The following OR52H1 variants were observed in gnomAD, a reference collection of about 807,000 sequenced individuals.
OR52H1 encodes the protein olfactory receptor family 52 subfamily H member 1.
For missense variants in OR52H1, 383 were observed against 396.4 expected (o/e 0.97, Z 0.29); for synonymous variants, 148 against 138.6 (o/e 1.07, Z -0.48).
In OR52H1 at chr11:5,545,149, G is replaced by A; in HGVS notation, c.357C>T (p.Ala119=). Reference sequence around the variant, plus strand: ...TAGCTACATAGTGATCAAATGCCATGGCCATCAGAATGGCTGAATCCAGGA... The same window carrying A: ...TAGCTACATAGTGATCAAATGCCATAGCCATCAGAATGGCTGAATCCAGGA... ...NFVLDSAILM[A]MAFDHYVAIC... Residue 119 remains alanine (A), a synonymous_variant, in exon 2 of 2, where the codon GCC becomes GCT. Coordinates refer to ENST00000322653, the MANE Select transcript of OR52H1 (RefSeq NM_001005289.5). 1 of 1,614,118 alleles carries A rather than the reference G, an allele frequency of 6.2e-7. No homozygotes were observed. The highest frequency in any genetic ancestry group is 1.1e-5 in the South Asian group (1 of 91,064).
intron 1 of OR52H1, among the ~76,000 whole-genome samples, chr11:5,546,181 C>CAAAA (rs34696903): frequency 0.011 from 1,663 of 145,436 alleles, 25 homozygotes; most frequent in African/African-American, 0.037. Context: ...CCTTTCTCCT[C>CAAAA]AAAAAAAAAA....
chr11:5,544,797 G>A lies in OR52H1; in HGVS notation c.709C>T (p.Gln237Ter). ...VFGLPSQDACQKALGTCGSHV... is the reference protein window; with the variant it reads ...VFGLPSQDAC ...GAACCACAAGTGCCGAGGGCTTTCT[G>A]GCAGGCATCTTGGGAGGGAAGGCCA... Residue 237 changes from glutamine (Q) to a stop codon, truncating the protein, a stop_gained, in exon 2 of 2, where the codon CAG becomes TAG. Coordinates refer to ENST00000322653, the MANE Select transcript of OR52H1 (RefSeq NM_001005289.5). LOFTEE classifies it low-confidence loss of function (END_TRUNC). 6.2e-7 allele frequency: 1 copy of A among 1,614,130 alleles called. No homozygotes were observed. The highest frequency in any genetic ancestry group is 8.5e-7 in the Non-Finnish European group (1 of 1,180,006).
At chr11:5,547,985 A>G (rs1366756438) in intron 1 of OR52H1, among the ~76,000 whole-genome samples, 3 of 152,250 alleles carry the variant, frequency 2.0e-5, no homozygotes, top group African/African-American at 4.8e-5. Context: ...CATAGTAAGC[A>G]TGTAACAAGT....
intron 1 of OR52H1, among the ~76,000 whole-genome samples, chr11:5,545,892 G>A (rs1435548190): frequency 6.6e-6 from 1 of 152,054 alleles, no homozygotes; most frequent in Non-Finnish European, 1.5e-5. Context: ...ACTTTTTCAT[G>A]GTGGATTATA....
At chr11:5,547,937 G>A (rs1000374325) in intron 1 of OR52H1, among the ~76,000 whole-genome samples, 5 of 152,148 alleles carry the variant, frequency 3.3e-5, no homozygotes, top group African/African-American at 4.8e-5. Flanking sequence ...GAGCCACCAC[G>A]CCCAGCCGAA....
Position 5,545,405 on chromosome 11 carries a change from C to G in OR52H1, c.101G>C (p.Cys34Ser), listed in dbSNP as rs779468835. The change falls in exon 2 of 2, where the codon TGT (cysteine) becomes TCT (serine). Residue 34 changes from cysteine to serine, a missense_variant. By Grantham distance (112) the Cys-to-Ser change is moderately radical. Coordinates refer to ENST00000322653, the MANE Select transcript of OR52H1 (RefSeq NM_001005289.5). The stretch of plus-strand genomic sequence containing the variant: ...CACAACAGCTACAATGTAGATGATA[C>G]AGAAGGGAATTCCAATCCACACATG... ...QFHVWIGIPF[C>S]IIYIVAVVGN... is the part of the protein sequence containing the mutation. 1.2e-6 allele frequency: 2 copies of G among 1,614,038 alleles called. No homozygotes were observed. The highest frequency in any genetic ancestry group is 2.2e-5 in the South Asian group (2 of 91,080).
intron 1 of OR52H1, among the ~76,000 whole-genome samples, chr11:5,547,579 T>A (rs999940355): frequency 2.0e-5 from 3 of 152,214 alleles, no homozygotes; most frequent in Admixed American, 6.5e-5. Context: ...TGGGTTCCTA[T>A]GTTTTTAAAA....
Position 5,544,899 on chromosome 11 carries a change from A to C in OR52H1, c.607T>G (p.Cys203Gly), listed in dbSNP as rs767882208. ...DISINFWYGF[C>G]VPIMTVISDV... Reference sequence around the variant, plus strand: ...GAGATGACCGTCATGATGGGAACACAAAAGCCATACCAGAAGTTGATGGAG... The same window carrying C: ...GAGATGACCGTCATGATGGGAACACCAAAGCCATACCAGAAGTTGATGGAG... Residue 203 changes from cysteine to glycine, a missense_variant, in exon 2 of 2, where the codon TGT (cysteine) becomes GGT (glycine). Cys to Gly is a radical substitution (Grantham distance 159). Coordinates refer to ENST00000322653, the MANE Select transcript of OR52H1 (RefSeq NM_001005289.5). 1.9e-6 allele frequency: 3 copies of C among 1,613,880 alleles called. No homozygotes were observed. The highest frequency in any genetic ancestry group is 2.5e-6 in the Non-Finnish European group (3 of 1,179,904).
rs1461114598 is a variant in OR52H1, at chr11:5,544,809, G to C, written c.697C>G (p.Gln233Glu). The change falls in exon 2 of 2, where the codon CAA (glutamine) becomes GAA (glutamate). Residue 233 changes from glutamine to glutamate, a missense_variant. Coordinates refer to ENST00000322653, the MANE Select transcript of OR52H1 (RefSeq NM_001005289.5). ...CCGAGGGCTTTCTGGCAGGCATCTT[G>C]GGAGGGAAGGCCAAAGACAGCACAG... ...ILCAVFGLPS[Q>E]DACQKALGTC... The C allele has an allele frequency of 1.9e-6, 3 of 1,613,982 alleles. No homozygotes were observed. The highest frequency in any genetic ancestry group is 1.6e-4 in the Middle Eastern group (1 of 6,084).
rs1995157 is a variant in OR52H1, at chr11:5,544,821, C to A, written c.685G>T (p.Gly229Cys). 919,871 of 1,613,226 alleles carry A rather than the reference C, an allele frequency of 0.57. 272,103 individuals carry two copies. The highest frequency in any genetic ancestry group is 0.61 in the Non-Finnish European group (724,432 of 1,179,438). The change falls in exon 2 of 2, where the codon GGC (glycine) becomes TGC (cysteine). Residue 229 changes from glycine to cysteine, a missense_variant. By Grantham distance (159) the Gly-to-Cys change is radical. Coordinates refer to ENST00000322653, the MANE Select transcript of OR52H1 (RefSeq NM_001005289.5). ...TGGCAGGCATCTTGGGAGGGAAGGC[C>A]AAAGACAGCACAGAGGATGTGTGCG... is the stretch of plus-strand genomic sequence containing the variant. ...SYAHILCAVF[G>C]LPSQDACQKA...
chr11:5,548,127 A>G (rs769546385), intron 1 of OR52H1, among the ~76,000 whole-genome samples: 12 of 152,216 alleles, frequency 7.9e-5, no homozygotes, highest in Non-Finnish European at 1.8e-4. Context: ...GCATACACAC[A>G]TACCAGCACA....
chr11:5,544,564 T>A lies in OR52H1; in HGVS notation c.942A>T (p.Gly314=). The change falls in exon 2 of 2, where the codon GGA becomes GGT. Residue 314 remains glycine (G), a synonymous_variant. Coordinates refer to ENST00000322653, the MANE Select transcript of OR52H1 (RefSeq NM_001005289.5). The part of the protein sequence containing the change: ...KVILLFSKGT[G] ...ATAAACTTATCCTAGTAAAACATCA[T>A]CCTGTACCCTTAGAAAACAAAAGTA... 1 of 1,583,498 alleles carries A rather than the reference T, an allele frequency of 6.3e-7. No individual in the cohort carries two copies.
chr11:5,545,032 G>C lies in OR52H1; in HGVS notation c.474C>G (p.Ile158Met), dbSNP rs1846830500. 1.2e-6 allele frequency: 2 copies of C among 1,614,182 alleles called. No individual in the cohort carries two copies. The highest frequency in any genetic ancestry group is 8.5e-7 in the Non-Finnish European group (1 of 1,180,034). The change falls in exon 2 of 2, where the codon ATC becomes ATG. Residue 158 changes from isoleucine (I) to methionine (M), a missense_variant. Ile to Met is a conservative substitution (Grantham distance 10, BLOSUM62 1). Coordinates refer to ENST00000322653, the MANE Select transcript of OR52H1 (RefSeq NM_001005289.5). ...MGISFRSFCI[I>M]LPDVFLLTCL... ...ATGTCAGCAAGAATACATCTGGCAGGATGATGCAGAAGCTTCGAAAGGAGA... is the reference window on the plus strand; with the variant it reads ...ATGTCAGCAAGAATACATCTGGCAGCATGATGCAGAAGCTTCGAAAGGAGA...
rs143228643 is a variant in OR52H1 at position 5,545,303 on chromosome 11, A to C, written c.203T>G (p.Leu68Arg). 274 of 1,614,232 alleles carry C rather than the reference A, an allele frequency of 1.7e-4. 1 individual carries two copies. The African/African-American group carries it at 3.4e-3, about 20-fold the overall frequency. Residue 68 changes from leucine to arginine, a missense_variant, in exon 2 of 2, where the codon CTG (leucine) becomes CGG (arginine). Physicochemically the swap from Leu to Arg is moderately radical, Grantham distance 102 (BLOSUM62 -2). Coordinates refer to ENST00000322653, the MANE Select transcript of OR52H1 (RefSeq NM_001005289.5). ...HEPMFFFLSM[L>R]AMTDLILSTA... ...GGACAAGATGAGGTCAGTCATGGCCAGCATGGAGAGAAAGAAGAACATGGG... is the reference window on the plus strand; with the variant it reads ...GGACAAGATGAGGTCAGTCATGGCCCGCATGGAGAGAAAGAAGAACATGGG...
chr11:5,546,203 A>G (rs1590049126), intron 1 of OR52H1, among the ~76,000 whole-genome samples: 1 of 151,712 alleles, frequency 6.6e-6, no homozygotes, highest in South Asian at 2.1e-4. Context: ...AAAATTCAAT[A>G]GTTTTCCAAC....
intron 1 of OR52H1, among the ~76,000 whole-genome samples, chr11:5,547,895 T>A (rs1260356274): frequency 6.6e-6 from 1 of 152,208 alleles, no homozygotes; most frequent in Non-Finnish European, 1.5e-5. Flanking sequence ...TCCACCTGCC[T>A]CAGCCTCCCA....
intron 1 of OR52H1, among the ~76,000 whole-genome samples, chr11:5,546,779 G>A (rs1846862240): frequency 5.4e-5 from 1 of 18,424 alleles, no homozygotes; most frequent in South Asian, 4.1e-3. Flanking sequence ...GTGCACAGAC[G>A]GTTAACTCTC....
At position 5,544,985 on chromosome 11, in the gene OR52H1, C is replaced by A; in HGVS notation, c.521G>T (p.Arg174Leu). 6.2e-7 allele frequency: 1 copy of A among 1,614,176 alleles called. No individual in the cohort carries two copies. The highest frequency in any genetic ancestry group is 8.5e-7 in the Non-Finnish European group (1 of 1,180,026). ...CTCACAGTATGTGTGGGGTATGATG[C>A]GTGTCCTGCAGAAAGGCAGGCATGT... ...LLTCLPFCRT[R>L]IIPHTYCEHI... Residue 174 changes from arginine to leucine, a missense_variant, in exon 2 of 2, where the codon CGC becomes CTC. Arg to Leu is a moderately radical substitution (Grantham distance 102, BLOSUM62 -2). Transcript: ENST00000322653.
In OR52H1 at chr11:5,544,924, G is replaced by A. The variant is rs1294286819; in HGVS notation, c.582C>T (p.Ile194=). 1.2e-6 allele frequency: 2 copies of A among 1,614,060 alleles called. No individual in the cohort carries two copies. Among genetic ancestry groups the A allele is most frequent in the East Asian group, 2.2e-5 (1 of 44,888 alleles). The change falls in exon 2 of 2, where the codon ATC becomes ATT. Residue 194 remains isoleucine (I), a synonymous_variant. Transcript: ENST00000322653. ...AAAAGCCATACCAGAAGTTGATGGA[G>A]ATATCAGCACAGGCGAGCTGGGCAA... ...IGVAQLACAD[I]SINFWYGFCV...
Sources: allele counts gnomAD v4.1 joint callset (sites outside exome capture counted in the v4.1 genomes callset), GRCh38; gene constraint gnomAD v4.1.1; transcripts MANE v1.5; gene names NCBI Gene and HGNC (gene_info 2026-07-23, HGNC 2026-07-21).